Variants in ITGA2 observed in about 807,000 individuals in gnomAD.
The protein encoded by ITGA2 is integrin subunit alpha 2.
A neutral mutation model predicts 146.3 loss-of-function variants in ITGA2; 101 were observed. The observed-to-expected ratio is 0.69, with a 90% CI of 0.59 to 0.81. The LOEUF is 0.81. ITGA2 is among the 40% of genes least tolerant of loss of function. The pLI is 0.00. For synonymous variants in ITGA2, 477 were observed against 487.1 expected, an observed-to-expected ratio of 0.98 and a Z score of 0.27; for missense variants, 1,281 against 1,402.7, an observed-to-expected ratio of 0.91 and a Z score of 1.39.
chr5:53,059,859 T>C lies in ITGA2; in HGVS notation c.1174-15T>C. 6.2e-7 allele frequency: 1 copy of C among 1,610,982 alleles called. No homozygotes were observed. The highest frequency in any genetic ancestry group is 1.3e-5 in the African/African-American group (1 of 74,936). On this transcript the variant is annotated splice_polypyrimidine_tract_variant and intron_variant, in intron 10 of 29. Transcript: ENST00000296585. ...GTGATTTGTTTCAATGATCTTCATTTTTCAATTATTTTAGGATATTCTGAT... is the reference window on the plus strand; with the variant it reads ...GTGATTTGTTTCAATGATCTTCATTCTTCAATTATTTTAGGATATTCTGAT...
At chr5:53,082,492 A>G (rs1745967137) in intron 26 of ITGA2, among the ~76,000 whole-genome samples, 1 of 152,178 alleles carries the variant, frequency 6.6e-6, no homozygotes, top group Non-Finnish European at 1.5e-5. Context: ...AACATAGGCC[A>G]ATGTGTCATA....
At chr5:53,009,763 T>C (rs901117230) in intron 1 of ITGA2, among the ~76,000 whole-genome samples, 2 of 152,120 alleles carry the variant, frequency 1.3e-5, no homozygotes, top group African/African-American at 4.8e-5. Flanking sequence ...ATTTGGAGAT[T>C]GAGTCTTTGG....
In ITGA2 at chr5:53,073,229, A is replaced by G. The variant is rs1353813653; in HGVS notation, c.2541A>G (p.Glu847=). 6.2e-7 allele frequency: 1 copy of G among 1,612,508 alleles called. No homozygotes were observed. Among genetic ancestry groups the G allele is most frequent in the Non-Finnish European group, 8.5e-7 (1 of 1,178,906 alleles). ...CTGGAATTGTTGTTGATTTTTCAGA[A>G]AACTTGTTTTTTGCATCATTCTCCC... ...YNTGIVVDFS[E]NLFFASFSLP... Residue 847 remains glutamate (E), a synonymous_variant, in exon 20 of 30, where the codon GAA becomes GAG. Coordinates refer to ENST00000296585, the MANE Select transcript of ITGA2 (RefSeq NM_002203.4).
intron 1 of ITGA2, among the ~76,000 whole-genome samples, chr5:53,010,960 C>T (rs1309239765): frequency 6.6e-6 from 1 of 151,860 alleles, no homozygotes; most frequent in Non-Finnish European, 1.5e-5. Context: ...GAGATGTGAC[C>T]ACAGACATAG....
intron 16 of ITGA2, 144 bp downstream of exon 16, chr5:53,067,401 G>A (rs905401764): frequency 8.4e-6 from 7 of 831,788 alleles, no homozygotes; most frequent in African/African-American, 1.7e-5. Flanking sequence ...GGAGATGCCC[G>A]AGAATGGTTC....
chr5:52,990,556 A>AGT lies in ITGA2; in HGVS notation c.64+1034_64+1035dup, dbSNP rs373636818. ...ACAAAAAAGTTGTCTCTGATTTTAAAGTGTGTGTGTGGTTTTTTTTTTTTT... is the reference window on the plus strand; with the variant it reads ...ACAAAAAAGTTGTCTCTGATTTTAAAGTGTGTGTGTGTGGTTTTTTTTTTTTT... On this transcript the variant is annotated intron_variant, in intron 1 of 29. Coordinates refer to ENST00000296585, the MANE Select transcript of ITGA2 (RefSeq NM_002203.4). Among the ~76,000 whole-genome samples the AGT allele has an allele frequency of 4.0e-3, 530 of 131,072 alleles. 4 individuals carry two copies. Among genetic ancestry groups the AGT allele is most frequent in the African/African-American group, 0.014 (503 of 36,778 alleles). The allele number at this position is 131,072 out of a possible 152,430, so 86.0% of individuals were successfully genotyped here. A position where few individuals can be genotyped will look rare whatever the true frequency, so the allele number is the denominator to read the frequency against.
rs1746192104 is a variant in ITGA2 at position 53,087,047 on chromosome 5, C to A, written c.3348+6C>A. ...TTGAAGATAACACTGTTACGGTGAG[C>A]ATATCACACCCTTCCCTGTGAGCCT... On this transcript the variant is annotated splice_donor_region_variant and intron_variant, in intron 28 of 29. Coordinates refer to ENST00000296585, the MANE Select transcript of ITGA2 (RefSeq NM_002203.4). The A allele has an allele frequency of 1.3e-6, 2 of 1,596,414 alleles. No homozygotes were observed. The highest frequency in any genetic ancestry group is 1.7e-6 in the Non-Finnish European group (2 of 1,164,344).
At chr5:53,067,305 G>A (rs991324824) in intron 16 of ITGA2, 48 bp downstream of exon 16, 2 of 1,603,214 alleles carry the variant, frequency 1.2e-6, no homozygotes, top group African/African-American at 1.3e-5. Flanking sequence ...GGCTTACAGA[G>A]TTTTAGTCCT....
chr5:53,048,241 T>A (rs1744186618), intron 4 of ITGA2, 122 bp from the exon 5 acceptor site: 1 of 794,484 alleles, frequency 1.3e-6, no homozygotes, highest in African/African-American at 1.7e-5. Flanking sequence ...TCATTGGTTT[T>A]GAGTTGACAA....
intron 24 of ITGA2, 29 bp from the exon 25 acceptor site, chr5:53,080,482 A>G: frequency 6.5e-7 from 1 of 1,544,556 alleles, no homozygotes; most frequent in Non-Finnish European, 9.0e-7. Context: ...ATCCTGTTGC[A>G]GTACTGGCAC....
intron 17 of ITGA2, 38 bp from the exon 18 acceptor site, chr5:53,071,900 C>A: frequency 6.9e-7 from 1 of 1,452,214 alleles, no homozygotes; most frequent in Non-Finnish European, 9.7e-7. Flanking sequence ...TAAACTGACT[C>A]TGTCTCCCCC....
At position 53,065,047 on chromosome 5, in the gene ITGA2, A is replaced by T. The variant is rs747953662; in HGVS notation, c.1738A>T (p.Asn580Tyr). Residue 580 changes from asparagine (N) to tyrosine (Y), a missense_variant, in exon 14 of 30, where the codon AAT becomes TAT. Coordinates refer to ENST00000296585, the MANE Select transcript of ITGA2 (RefSeq NM_002203.4). ...NDVIVGSPLE[N>Y]QNSGAVYIYN... Reference sequence around the variant, plus strand: ...TGTGATTGTTGGTTCACCACTAGAAAATCAGAATTCTGGAGCTGTATACAT... The same window carrying T: ...TGTGATTGTTGGTTCACCACTAGAATATCAGAATTCTGGAGCTGTATACAT... 2.5e-6 allele frequency: 4 copies of T among 1,612,736 alleles called. No homozygotes were observed. The highest frequency in any genetic ancestry group is 1.7e-5 in the Admixed American group (1 of 59,852).
intron 21 of ITGA2, 61 bp downstream of exon 21, chr5:53,074,538 A>G: frequency 8.2e-7 from 1 of 1,225,588 alleles, no homozygotes; most frequent in Non-Finnish European, 1.2e-6. Flanking sequence ...ATGCTAATTT[A>G]CCAACATAAC....
intron 27 of ITGA2, among the ~76,000 whole-genome samples, chr5:53,085,926 C>A (rs1294858353): frequency 6.6e-6 from 1 of 151,640 alleles, no homozygotes; most frequent in East Asian, 1.9e-4. Context: ...TTTTTTTCCC[C>A]CAGACAGAGC....
chr5:53,058,638 T>C (rs918148676), intron 10 of ITGA2, among the ~76,000 whole-genome samples: 5 of 151,604 alleles, frequency 3.3e-5, no homozygotes, highest in African/African-American at 1.2e-4. Context: ...GGGCCCCTGA[T>C]TCTAATTTGA....
intron 1 of ITGA2, 77 bp downstream of exon 1, chr5:52,989,609 C>T: frequency 6.6e-7 from 1 of 1,508,432 alleles, no homozygotes; most frequent in Non-Finnish European, 9.2e-7. Context: ...AGGGATTGGG[C>T]GGAACTAGGG....
At chr5:52,993,750 A>G (rs1741087460) in intron 1 of ITGA2, among the ~76,000 whole-genome samples, 1 of 152,240 alleles carries the variant, frequency 6.6e-6, no homozygotes, top group African/African-American at 2.4e-5. Context: ...GAATTTCAGG[A>G]AGAATGGGGA....
intron 1 of ITGA2, among the ~76,000 whole-genome samples, chr5:52,991,361 T>A (rs1740943942): frequency 6.6e-6 from 1 of 152,180 alleles, no homozygotes. Flanking sequence ...CTCAGTAGTA[T>A]CTAAAATTTT....
chr5:53,040,663 G>A (rs953690056), intron 2 of ITGA2, among the ~76,000 whole-genome samples: 4 of 152,100 alleles, frequency 2.6e-5, no homozygotes, highest in Non-Finnish European at 4.4e-5. Context: ...CAACTCTAAC[G>A]TTAAGGCTGA....
Sources: allele counts gnomAD v4.1 joint callset (sites outside exome capture counted in the v4.1 genomes callset), GRCh38; gene constraint gnomAD v4.1.1; transcripts MANE v1.5; gene names NCBI Gene and HGNC (gene_info 2026-07-23, HGNC 2026-07-21).